CAPZB: variants seen among roughly 807,000 people sequenced by gnomAD.
CAPZB encodes the protein capping actin protein of muscle Z-line subunit beta, also known as F-actin-capping protein subunit beta.
Under a neutral mutation model 38.1 loss-of-function variants are expected in CAPZB, and 2 were observed. The ratio of observed to expected loss-of-function variants is 0.05; its 90% CI spans 0.02 to 0.17. The LOEUF (loss-of-function observed/expected upper bound fraction) is 0.17. CAPZB is among the 10% of genes least tolerant of loss of function. The pLI is 1.00. For synonymous variants in CAPZB, 107 were observed against 127.4 expected (o/e 0.84, Z 1.08); for missense variants, 161 against 334.2 (o/e 0.48, Z 4.04).
chr1:19,422,654 A>G (rs1301883273), intron 1 of CAPZB, among the ~76,000 whole-genome samples: 1 of 151,800 alleles, frequency 6.6e-6, no homozygotes, highest in African/African-American at 2.4e-5. Context: ...GGAGAATGGC[A>G]TGAACCCGGG....
intron 4 of CAPZB, among the ~76,000 whole-genome samples, chr1:19,377,990 C>T (rs2094152282): frequency 6.6e-6 from 1 of 152,124 alleles, no homozygotes; most frequent in Admixed American, 6.5e-5. Flanking sequence ...AGGCAGAGGC[C>T]CCTGAGCTCC....
chr1:19,352,005 G>A (rs1455128471), intron 6 of CAPZB, among the ~76,000 whole-genome samples: 2 of 152,176 alleles, frequency 1.3e-5, no homozygotes, highest in South Asian at 2.1e-4. Flanking sequence ...CGCTGCTCAA[G>A]CATCTCCACC....
At chr1:19,343,427 T>C (rs955783129) in intron 8 of CAPZB, among the ~76,000 whole-genome samples, 4 of 152,178 alleles carry the variant, frequency 2.6e-5, no homozygotes, top group African/African-American at 9.7e-5. Flanking sequence ...CGGCAGTGGG[T>C]GAGAGGGCTG....
In CAPZB at chr1:19,339,263, C is replaced by T. The variant is rs1192223645; in HGVS notation, c.*267G>A. 6 of 464,904 alleles carry T rather than the reference C, an allele frequency of 1.3e-5. No individual in the cohort carries two copies. The highest frequency in any genetic ancestry group is 7.4e-5 in the East Asian group (2 of 26,936). 28.8% of individuals were successfully genotyped at this position (464,904 alleles called of 1,614,324 possible). On this transcript the variant is annotated 3_prime_UTR_variant, in exon 9 of 9. Transcript: ENST00000264202. ...ATAAATGGGGGGACAGGGAGGAAGACGGGGGGCCCGGGTGAACAAAAACCA... is the reference window on the plus strand; with the variant it reads ...ATAAATGGGGGGACAGGGAGGAAGATGGGGGGCCCGGGTGAACAAAAACCA...
At chr1:19,459,727 AGTG>A (rs2094544542) in intron 1 of CAPZB, among the ~76,000 whole-genome samples, 1 of 152,200 alleles carries the variant, frequency 6.6e-6, no homozygotes, top group Non-Finnish European at 1.5e-5. Flanking sequence ...CACAGTCAAC[AGTG>A]GTCTGAAAAT....
intron 1 of CAPZB, among the ~76,000 whole-genome samples, chr1:19,444,664 G>C (rs1570287794): frequency 6.6e-6 from 1 of 152,194 alleles, no homozygotes; most frequent in Non-Finnish European, 1.5e-5. Flanking sequence ...CAATTACAAC[G>C]TGTAGCTGAA....
chr1:19,465,804 A>C (rs1439569342), intron 1 of CAPZB, among the ~76,000 whole-genome samples: 2 of 152,146 alleles, frequency 1.3e-5, no homozygotes, highest in Non-Finnish European at 2.9e-5. Flanking sequence ...GCTACCATTT[A>C]TTGGGCACTT....
intron 1 of CAPZB, among the ~76,000 whole-genome samples, chr1:19,448,587 G>GT (rs1206179114): frequency 6.6e-6 from 1 of 152,192 alleles, no homozygotes; most frequent in Non-Finnish European, 1.5e-5. Context: ...TGCTGTAGGG[G>GT]TTTTTTCTTA....
chr1:19,459,886 T>TA (rs1449802343), intron 1 of CAPZB, among the ~76,000 whole-genome samples: 11 of 152,122 alleles, frequency 7.2e-5, no homozygotes, highest in Non-Finnish European at 1.0e-4. Context: ...GCCCACCCCA[T>TA]AGTCACGTAG....
At chr1:19,484,633 G>A in intron 1 of CAPZB, 1 of 1,174,462 alleles carries the variant, frequency 8.5e-7, no homozygotes, top group African/African-American at 1.6e-5. Flanking sequence ...CTCCCCAAAG[G>A]CTGCAAAGAA....
chr1:19,403,120 T>C (rs1352629107), intron 2 of CAPZB, among the ~76,000 whole-genome samples: 1 of 152,170 alleles, frequency 6.6e-6, no homozygotes, highest in Non-Finnish European at 1.5e-5. Flanking sequence ...ACCGTGGCTA[T>C]GAGCTCTTTA....
chr1:19,355,035 A>G (rs74056817), intron 6 of CAPZB, among the ~76,000 whole-genome samples: 2,386 of 152,324 alleles, frequency 0.016, 68 homozygotes, highest in African/African-American at 0.054. Flanking sequence ...GAGGACCGCA[A>G]CATCCCTTCT....
chr1:19,469,617 C>T (rs975311822), intron 1 of CAPZB, among the ~76,000 whole-genome samples: 4 of 151,856 alleles, frequency 2.6e-5, no homozygotes, highest in Non-Finnish European at 5.9e-5. Flanking sequence ...GCGGCGGCCA[C>T]GGAGAGAGCA....
intron 4 of CAPZB, among the ~76,000 whole-genome samples, chr1:19,360,944 G>T (rs553240401): frequency 6.6e-6 from 1 of 152,114 alleles, no homozygotes; most frequent in Non-Finnish European, 1.5e-5. Flanking sequence ...CTGAAAATTA[G>T]CCCACAATGC....
rs2094210840 is a variant in CAPZB at position 19,387,594 on chromosome 1, C to G, written c.94-1968G>C. Among the ~76,000 whole-genome samples, 2 of 152,232 alleles carry G rather than the reference C, an allele frequency of 1.3e-5. 1 individual carries two copies. The highest frequency in any genetic ancestry group is 4.1e-4 in the South Asian group (2 of 4,836). ...CCTCAACTTTTGCCTGGAACCCATT[C>G]TCTCTGGTTGGAGTCCTGACACCAT... On this transcript the variant is annotated intron_variant, in intron 2 of 8. Transcript: ENST00000264202.
chr1:19,432,732 C>G (rs926460921), intron 1 of CAPZB, among the ~76,000 whole-genome samples: 5 of 152,212 alleles, frequency 3.3e-5, no homozygotes, highest in African/African-American at 1.2e-4. Flanking sequence ...TGCCCCAGAG[C>G]ACTGAATGAC....
intron 1 of CAPZB, among the ~76,000 whole-genome samples, chr1:19,482,598 A>G (rs894538708): frequency 1.1e-4 from 17 of 152,262 alleles, no homozygotes; most frequent in Non-Finnish European, 2.2e-4. Context: ...TTACCTGCTA[A>G]GGGAATGCAA....
At chr1:19,403,992 TA>T (rs1269735165) in intron 2 of CAPZB, among the ~76,000 whole-genome samples, 1 of 152,080 alleles carries the variant, frequency 6.6e-6, no homozygotes, top group African/African-American at 2.4e-5. Flanking sequence ...GTAACAGTAG[TA>T]GGCCGGGCAC....
At chr1:19,342,921 G>T in intron 8 of CAPZB, 1 of 1,028,032 alleles carries the variant, frequency 9.7e-7, no homozygotes, top group Non-Finnish European at 1.5e-6. Context: ...CGAGAAGCCA[G>T]GAACGCAGGG....
Sources: allele counts gnomAD v4.1 joint callset (sites outside exome capture counted in the v4.1 genomes callset), GRCh38; gene constraint gnomAD v4.1.1; transcripts MANE v1.5; gene names NCBI Gene and HGNC (gene_info 2026-07-23, HGNC 2026-07-21).